RPL38: variants seen among roughly 807,000 people sequenced by gnomAD.
RPL38 encodes large ribosomal subunit protein eL38.
In RPL38, 2 loss-of-function variants were observed where a neutral mutation model predicts 12.8. That is an observed-to-expected ratio of 0.16 (90% CI 0.06 to 0.49). The LOEUF (loss-of-function observed/expected upper bound fraction) is 0.49. RPL38 is among the 20% of genes least tolerant of loss of function. RPL38 has a pLI of 0.96. For missense variants in RPL38, 52 were observed against 79.8 expected, an observed-to-expected ratio of 0.65 and a Z score of 1.33; for synonymous variants, 42 against 30.1, an observed-to-expected ratio of 1.39 and a Z score of -1.29.
chr17:74,209,179 T>G lies in RPL38; in HGVS notation c.65-8T>G. ...TACAATTTAATTCCTGATTCTGGTC[T>G]CCGGTAGCTGTCAAGATCAAGAAAA... On this transcript the variant is annotated splice_region_variant and splice_polypyrimidine_tract_variant and intron_variant, in intron 3 of 4. Transcript: ENST00000311111. 1 of 1,613,272 alleles carries G rather than the reference T, an allele frequency of 6.2e-7. No individual in the cohort carries two copies.
In RPL38 at chr17:74,203,705, C is replaced by A. The variant is rs572773868; in HGVS notation, c.-79C>A. 2.0e-6 allele frequency: 1 copy of A among 512,552 alleles called. No individual in the cohort carries two copies. The highest frequency in any genetic ancestry group is 3.0e-5 in the East Asian group (1 of 32,820). The allele number at this position is 512,552 out of a possible 1,614,324, so 31.8% of individuals were successfully genotyped here. ...TTTTCGTCCTTTTCCCCGGTTGCTGCTTGCTGTGAGTGTCTCTAGGGTGAT... is the reference window on the plus strand; with the variant it reads ...TTTTCGTCCTTTTCCCCGGTTGCTGATTGCTGTGAGTGTCTCTAGGGTGAT... On this transcript the variant is annotated 5_prime_UTR_variant, in exon 1 of 5. Transcript: ENST00000311111.
chr17:74,203,851 A>G (rs919147515), intron 1 of RPL38, 67 bp from the exon 2 acceptor site: 1 of 1,373,406 alleles, frequency 7.3e-7, no homozygotes, highest in East Asian at 2.4e-5. Flanking sequence ...ATTTCGGGGG[A>G]GAGCGGGAAA....
chr17:74,208,322 A>C (rs1293421396), intron 3 of RPL38, among the ~76,000 whole-genome samples: 1 of 152,232 alleles, frequency 6.6e-6, no homozygotes, highest in Non-Finnish European at 1.5e-5. Flanking sequence ...CTGCTAGTAC[A>C]TAACCAGAGT....
chr17:74,203,708 G>T lies in RPL38; in HGVS notation c.-76G>T, dbSNP rs185733432. 13 of 515,470 alleles carry T rather than the reference G, an allele frequency of 2.5e-5. No individual in the cohort carries two copies. Among genetic ancestry groups the T allele is most frequent in the East Asian group, 2.1e-4 (7 of 32,890 alleles). 31.9% of individuals were successfully genotyped at this position (515,470 alleles called of 1,614,324 possible). A position where few individuals can be genotyped will look rare whatever the true frequency, so the allele number is the denominator to read the frequency against. On this transcript the variant is annotated 5_prime_UTR_variant, in exon 1 of 5. Transcript: ENST00000311111. ...TCGTCCTTTTCCCCGGTTGCTGCTT[G>T]CTGTGAGTGTCTCTAGGGTGATACG...
At chr17:74,203,774 A>G in intron 1 of RPL38, 29 bp downstream of exon 1, 1 of 696,526 alleles carries the variant, frequency 1.4e-6, no homozygotes, top group Admixed American at 2.9e-5. Context: ...CTGCCAGGTG[A>G]AATCTGGGGA....
chr17:74,206,184 C>T (rs981198009), intron 3 of RPL38: 1 of 152,136 alleles, frequency 6.6e-6, no homozygotes, highest in African/African-American at 2.4e-5. Flanking sequence ...TTACCATTTA[C>T]ACTGGGTATG....
At chr17:74,204,246 G>A (rs990729356) in intron 3 of RPL38, 56 bp downstream of exon 3, 22 of 1,512,852 alleles carry the variant, frequency 1.5e-5, no homozygotes, top group East Asian at 2.3e-5. Flanking sequence ...GCACCGCTCC[G>A]GGAGCGTCTT....
rs966848121 is a variant in RPL38 at position 74,203,693 on chromosome 17, C to T, written c.-91C>T. On this transcript the variant is annotated 5_prime_UTR_variant, in exon 1 of 5. Transcript: ENST00000311111. ...AAGTCTCGTTCTTTTTCGTCCTTTT[C>T]CCCGGTTGCTGCTTGCTGTGAGTGT... The T allele has an allele frequency of 3.8e-5, 19 of 505,244 alleles. No homozygotes were observed. Among genetic ancestry groups the T allele is most frequent in the African/African-American group, 2.7e-4 (14 of 51,746 alleles). The allele number at this position is 505,244 out of a possible 1,614,324, so 31.3% of individuals were successfully genotyped here.
chr17:74,204,773 C>G (rs1372914804), intron 3 of RPL38: 5 of 152,200 alleles, frequency 3.3e-5, no homozygotes, highest in Admixed American at 2.0e-4. Flanking sequence ...GCGATCTTGG[C>G]TCACTGCAAT....
In RPL38 at chr17:74,209,663, A is replaced by G. The variant is rs77978563; in HGVS notation, c.188-141A>G. 3.8e-4 allele frequency: 288 copies of G among 752,074 alleles called. 1 individual carries two copies. In the African/African-American group the frequency reaches 4.8e-3, roughly 12 times the overall value. The allele number at this position is 752,074 out of a possible 1,614,324, so 46.6% of individuals were successfully genotyped here. ...AGACCAAGTCTTTTTATCAAACACT[A>G]AATATTTTAACCGAAACTTCGCTGG... On this transcript the variant is annotated intron_variant, in intron 4 of 4. Transcript: ENST00000311111.
chr17:74,207,442 C>G (rs763002780), intron 3 of RPL38, among the ~76,000 whole-genome samples: 1 of 152,154 alleles, frequency 6.6e-6, no homozygotes, highest in Non-Finnish European at 1.5e-5. Context: ...TGCAAATATT[C>G]TTCTGTGGTT....
chr17:74,209,184 T>C lies in RPL38; in HGVS notation c.65-3T>C. The C allele has an allele frequency of 6.2e-7, 1 of 1,613,486 alleles. No individual in the cohort carries two copies. Among genetic ancestry groups the C allele is most frequent in the South Asian group, 1.1e-5 (1 of 91,010 alleles). On this transcript the variant is annotated splice_region_variant and splice_polypyrimidine_tract_variant and intron_variant, in intron 3 of 4. Coordinates refer to ENST00000311111, the MANE Select transcript of RPL38 (RefSeq NM_000999.4). Reference sequence around the variant, plus strand: ...TTTAATTCCTGATTCTGGTCTCCGGTAGCTGTCAAGATCAAGAAAAATAAG... The same window carrying C: ...TTTAATTCCTGATTCTGGTCTCCGGCAGCTGTCAAGATCAAGAAAAATAAG...
At chr17:74,209,675 C>G in intron 4 of RPL38, 129 bp from the exon 5 acceptor site, 1 of 809,386 alleles carries the variant, frequency 1.2e-6, no homozygotes, top group Admixed American at 2.2e-5. Flanking sequence ...ATATTTTAAC[C>G]GAAACTTCGC....
chr17:74,209,534 T>G (rs2050145602), intron 4 of RPL38: 1 of 648,886 alleles, frequency 1.5e-6, no homozygotes, highest in South Asian at 2.0e-5. Context: ...GCTCATTTAA[T>G]CCTGTTCACG....
intron 3 of RPL38, chr17:74,206,168 T>C (rs1293243002): frequency 1.3e-5 from 2 of 152,186 alleles, no homozygotes; most frequent in East Asian, 3.8e-4. Context: ...AGGCATAGCG[T>C]AAAAGTTACC....
chr17:74,204,228 C>G, intron 3 of RPL38, 38 bp downstream of exon 3: 5 of 1,596,082 alleles, frequency 3.1e-6, no homozygotes, highest in Non-Finnish European at 4.3e-6. Context: ...AGAGCGGTGC[C>G]TAGCCTGGCA....
At position 74,207,533 on chromosome 17, in the gene RPL38, AT is replaced by A. The variant is rs200923343; in HGVS notation, c.65-1644del. Among the ~76,000 whole-genome samples, 206 of 148,368 alleles carry A rather than the reference AT, an allele frequency of 1.4e-3. 1 individual carries two copies. Among genetic ancestry groups the A allele is most frequent in the Non-Finnish European group, 2.5e-3 (164 of 66,772 alleles). ...TGTTGAGTAAACTTTTTTTTTATTT[AT>A]TTTTTTTTTGAGATGGAGTTTCGCT... On this transcript the variant is annotated intron_variant, in intron 3 of 4. Coordinates refer to ENST00000311111, the MANE Select transcript of RPL38 (RefSeq NM_000999.4).
In RPL38 at chr17:74,210,145, G is replaced by T. The variant is rs1452585013; in HGVS notation, c.*316G>T. 3.8e-6 allele frequency: 1 copy of T among 259,926 alleles called. No individual in the cohort carries two copies. The highest frequency in any genetic ancestry group is 7.3e-6 in the Non-Finnish European group (1 of 136,242). 16.1% of individuals were successfully genotyped at this position (259,926 alleles called of 1,614,324 possible). A position where few individuals can be genotyped will look rare whatever the true frequency, so the allele number is the denominator to read the frequency against. On this transcript the variant is annotated 3_prime_UTR_variant, in exon 5 of 5. Transcript: ENST00000311111. The stretch of plus-strand genomic sequence containing the variant: ...TGGGATTACAGGCACACATCACCAC[G>T]CCTGGCCAATTTTTGTATTTGTAGT...
chr17:74,209,983 T>G lies in RPL38; in HGVS notation c.*154T>G, dbSNP rs2050151069. The G allele has an allele frequency of 3.6e-6, 2 of 562,354 alleles. No individual in the cohort carries two copies. Among genetic ancestry groups the G allele is most frequent in the African/African-American group, 2.0e-5 (1 of 50,778 alleles). 34.8% of individuals were successfully genotyped at this position (562,354 alleles called of 1,614,324 possible). ...CTGTTGCTGCCTTCCTGTGTCTTTTTTTTTTTTTTTTTTTCTTTCTTTGAG... is the reference window on the plus strand; with the variant it reads ...CTGTTGCTGCCTTCCTGTGTCTTTTGTTTTTTTTTTTTTTCTTTCTTTGAG... On this transcript the variant is annotated 3_prime_UTR_variant, in exon 5 of 5. Coordinates refer to ENST00000311111, the MANE Select transcript of RPL38 (RefSeq NM_000999.4).
Sources: allele counts gnomAD v4.1 joint callset (sites outside exome capture counted in the v4.1 genomes callset), GRCh38; gene constraint gnomAD v4.1.1; transcripts MANE v1.5; gene names NCBI Gene and HGNC (gene_info 2026-07-23, HGNC 2026-07-21).